The following ZNF362 variants were observed in gnomAD, a reference collection of about 807,000 sequenced individuals.
ZNF362 encodes zinc finger protein 362, also known as rotund homolog.
In ZNF362, 11 loss-of-function variants were observed where a neutral mutation model predicts 42.9. That is an observed-to-expected ratio of 0.26 (90% confidence interval 0.16 to 0.42). The LOEUF (loss-of-function observed/expected upper bound fraction) is 0.42. Ranked by LOEUF, ZNF362 falls within the 20% of genes least tolerant of loss-of-function variation. The pLI, the probability that ZNF362 is intolerant of heterozygous loss-of-function variation, is 1.00. For missense variants in ZNF362, 362 were observed against 576.2 expected (o/e 0.63, Z 3.81); for synonymous variants, 255 against 257.3 (o/e 0.99, Z 0.09).
the ZNF362 span, among the ~76,000 whole-genome samples, chr1:33,214,940 C>T: frequency 6.6e-6 from 1 of 152,030 alleles, no homozygotes; most frequent in African/African-American, 2.4e-5. Flanking sequence ...TTTGAAGGTT[C>T]CTCAAAAAAA....
the ZNF362 span, among the ~76,000 whole-genome samples, chr1:33,237,397 A>G: frequency 2.0e-5 from 3 of 152,142 alleles, no homozygotes; most frequent in South Asian, 6.2e-4. Flanking sequence ...AGTCAGGACT[A>G]TCTCACTGGT....
the ZNF362 span, among the ~76,000 whole-genome samples, chr1:33,229,328 T>C: frequency 1.3e-5 from 2 of 152,044 alleles, no homozygotes; most frequent in Non-Finnish European, 2.9e-5. Context: ...TTATTAGCCA[T>C]CTGTGGAATG....
At chr1:33,218,978 C>CAT in the ZNF362 span, among the ~76,000 whole-genome samples, 1,167 of 134,430 alleles carry the variant, frequency 8.7e-3, 14 homozygotes, top group African/African-American at 0.027. Context: ...CACACACACA[C>CAT]ACATACACCA....
chr1:33,174,551 T>C, the ZNF362 span, among the ~76,000 whole-genome samples: 1 of 152,126 alleles, frequency 6.6e-6, no homozygotes, highest in Non-Finnish European at 1.5e-5. Context: ...CTCATAGGGT[T>C]ACTGTTAGAA....
the ZNF362 span, among the ~76,000 whole-genome samples, chr1:33,208,936 C>T: frequency 1.3e-5 from 2 of 152,146 alleles, no homozygotes; most frequent in African/African-American, 4.8e-5. Context: ...CCTGATTGCC[C>T]TGGCCAGAAC....
the ZNF362 span, among the ~76,000 whole-genome samples, chr1:33,136,484 T>C: frequency 2.0e-5 from 3 of 151,806 alleles, no homozygotes; most frequent in African/African-American, 7.3e-5. Flanking sequence ...TTCTCATGCC[T>C]CAGCCTACCG....
the ZNF362 span, among the ~76,000 whole-genome samples, chr1:33,220,990 T>A: frequency 6.6e-6 from 1 of 151,764 alleles, no homozygotes; most frequent in Non-Finnish European, 1.5e-5. Context: ...AGGGCAAGGG[T>A]CAGCAGAAAG....
the ZNF362 span, among the ~76,000 whole-genome samples, chr1:33,172,884 C>T: frequency 6.6e-6 from 1 of 152,226 alleles, no homozygotes; most frequent in Non-Finnish European, 1.5e-5. Context: ...GACAGCATGA[C>T]TTTCGCTCAG....
chr1:33,152,163 AAGTG>A, the ZNF362 span, among the ~76,000 whole-genome samples: 1 of 152,228 alleles, frequency 6.6e-6, no homozygotes, highest in Non-Finnish European at 1.5e-5. Context: ...ACTCTGAGGT[AAGTG>A]GCTTGCTCAA....
chr1:33,220,474 G>A, the ZNF362 span, among the ~76,000 whole-genome samples: 1 of 152,104 alleles, frequency 6.6e-6, no homozygotes, highest in African/African-American at 2.4e-5. Flanking sequence ...AGGAGTCAGG[G>A]AGTCAGGGCA....
the ZNF362 span, among the ~76,000 whole-genome samples, chr1:33,189,655 A>ATATATATATATATATATATATATATG: frequency 1.3e-4 from 3 of 23,330 alleles, no homozygotes; most frequent in African/African-American, 1.6e-4. Flanking sequence ...ATATATATAT[A>ATATATATATATATATATATATATATG]TATATATATA....
chr1:33,276,250 C>T (rs1418489207), intron 3 of ZNF362, 87 bp downstream of exon 3: 36 of 1,587,702 alleles, frequency 2.3e-5, no homozygotes, highest in East Asian at 1.6e-4. Flanking sequence ...CTGCGGGGAG[C>T]GGGGTGAGGA....
At chr1:33,232,085 A>C in the ZNF362 span, among the ~76,000 whole-genome samples, 1 of 151,956 alleles carries the variant, frequency 6.6e-6, no homozygotes, top group African/African-American at 2.4e-5. Flanking sequence ...AGGACAGGGC[A>C]CTCCTCAGTA....
At chr1:33,286,482 T>C (rs1342141732) in intron 6 of ZNF362, among the ~76,000 whole-genome samples, 2 of 152,160 alleles carry the variant, frequency 1.3e-5, no homozygotes, top group Non-Finnish European at 2.9e-5. Context: ...TCTCCATTCC[T>C]GAGGGCACAA....
At chr1:33,169,166 C>A in the ZNF362 span, among the ~76,000 whole-genome samples, 1 of 152,146 alleles carries the variant, frequency 6.6e-6, no homozygotes, top group African/African-American at 2.4e-5. Flanking sequence ...GGGTGACAGT[C>A]AGGGACACAG....
chr1:33,150,186 G>A, the ZNF362 span, among the ~76,000 whole-genome samples: 9 of 152,256 alleles, frequency 5.9e-5, no homozygotes, highest in Admixed American at 4.6e-4. Flanking sequence ...ATGAGGAAAA[G>A]TGGGAAGAAG....
chr1:33,297,642 G>T lies in ZNF362; in HGVS notation c.1147-1288G>T, dbSNP rs112396476. 1.3e-3 allele frequency among the ~76,000 whole-genome samples: 204 copies of T among 152,124 alleles called. 6 individuals are homozygous for T. The highest frequency in any genetic ancestry group is 4.2e-3 in the African/African-American group (174 of 41,490). On this transcript the variant is annotated intron_variant, in intron 8 of 8. Transcript: ENST00000539719. ...TTCTCCTGCCTCAGCCTCCCGAGTA[G>T]CTGGGAATACAGGCATGTGCCACTA...
chr1:33,294,174 A>T lies in ZNF362; in HGVS notation c.909-763A>T, dbSNP rs982825436. Among the ~76,000 whole-genome samples the T allele has an allele frequency of 3.9e-5, 6 of 152,212 alleles. No individual in the cohort carries two copies. The highest frequency in any genetic ancestry group is 1.4e-4 in the African/African-American group (6 of 41,456). On this transcript the variant is annotated intron_variant, in intron 6 of 8. Transcript: ENST00000539719. The surrounding 1 kb of genome is among the most constrained non-coding windows in gnomAD (Gnocchi z 4.2). The stretch of plus-strand genomic sequence containing the variant: ...GATAACTGGCAAACGTTGAGTGCTT[A>T]CTTTGTACCAACACTAGGCTAAGCC...
At chr1:33,207,579 C>A in the ZNF362 span, among the ~76,000 whole-genome samples, 1 of 152,100 alleles carries the variant, frequency 6.6e-6, no homozygotes, top group Non-Finnish European at 1.5e-5. Flanking sequence ...AGTGTAAAAA[C>A]CTTCCTATTT....
Sources: gnomAD v4.1 joint callset for allele counts (sites outside exome capture counted in the v4.1 genomes callset) on GRCh38, gnomAD v4.1.1 for gene constraint, Gnocchi (gnomAD v3.1) non-coding constraint, MANE v1.5 for transcripts, NCBI Gene and HGNC (gene_info 2026-07-23, HGNC 2026-07-21) for gene names.